Variants in ANK3 observed in about 807,000 individuals in gnomAD.
ANK3 encodes the protein ankyrin 3.
Under a neutral mutation model 370.9 loss-of-function variants are expected in ANK3, and 57 were observed. The observed-to-expected ratio is 0.15, with a 90% confidence interval of 0.12 to 0.19. The LOEUF is 0.19. Among genes scored for constraint, ANK3 ranks in the 10% least tolerant of loss-of-function variants. The probability of loss-of-function intolerance (pLI) is 1.00; values close to 1 mark genes in which losing one functional copy is unlikely to be tolerated. For synonymous variants in ANK3, 1,929 were observed against 1,946.3 expected (o/e 0.99, Z 0.23); for missense variants, 4,439 against 5,302.1 (o/e 0.84, Z 5.06).
chr10:60,454,027 C>T (rs1310950055), intron 2 of ANK3, among the ~76,000 whole-genome samples: 1 of 152,130 alleles, frequency 6.6e-6, no homozygotes, highest in African/African-American at 2.4e-5. Context: ...CATATTTTTT[C>T]CTATATGCAA....
intron 2 of ANK3, among the ~76,000 whole-genome samples, chr10:60,482,596 C>G (rs1023857088): frequency 6.6e-6 from 1 of 152,112 alleles, no homozygotes; most frequent in Non-Finnish European, 1.5e-5. Flanking sequence ...AATAGATCCT[C>G]CCACCTCATT....
In ANK3 at chr10:60,071,715, G is replaced by A; in HGVS notation, c.9166C>T (p.Pro3056Ser). 6.3e-7 allele frequency: 1 copy of A among 1,597,776 alleles called. No homozygotes were observed. The highest frequency in any genetic ancestry group is 1.1e-5 in the South Asian group (1 of 87,186). Residue 3056 changes from proline (P) to serine (S), a missense_variant, in exon 37 of 44, where the codon CCA becomes TCA. Pro to Ser is a moderately conservative substitution (Grantham distance 74). This residue lies in a region of ANK3 where 1,601 missense variants were observed against 1,731.7 expected (regional missense o/e 0.92). Coordinates refer to ENST00000280772, the MANE Select transcript of ANK3 (RefSeq NM_020987.5). ...TCACTAGAGGGAGATTCCTTTCCTG[G>A]GCTAAACTCTAAAGAATCAGGAGAT... The part of the protein sequence containing the change: ...TKSPDSLEFS[P>S]GKESPSSDVF...
intron 23 of ANK3, among the ~76,000 whole-genome samples, chr10:60,150,725 C>T (rs551880591): frequency 6.6e-6 from 1 of 152,260 alleles, no homozygotes; most frequent in Admixed American, 6.5e-5. Flanking sequence ...TGCCATGTGA[C>T]ATTCCTGCTC....
intron 1 of ANK3, among the ~76,000 whole-genome samples, chr10:60,673,558 A>G (rs146580139): frequency 0.052 from 7,970 of 151,866 alleles, 292 homozygotes; most frequent in African/African-American, 0.088. Context: ...CACCATGTTG[A>G]CCAGGCTGGT....
At chr10:60,425,395 G>T (rs1028116928) in intron 2 of ANK3, among the ~76,000 whole-genome samples, 27 of 152,114 alleles carry the variant, frequency 1.8e-4, no homozygotes, top group African/African-American at 6.5e-4. Flanking sequence ...ATTGGAATAC[G>T]TAGTGATTCT....
intron 1 of ANK3, among the ~76,000 whole-genome samples, chr10:60,632,410 A>G (rs1230569994): frequency 6.6e-6 from 1 of 152,124 alleles, no homozygotes; most frequent in African/African-American, 2.4e-5. Flanking sequence ...AAAAAAACAG[A>G]TTTAGGAAAG....
At chr10:60,228,439 C>T (rs879698676) in intron 8 of ANK3, among the ~76,000 whole-genome samples, 8 of 149,230 alleles carry the variant, frequency 5.4e-5, no homozygotes, top group East Asian at 2.0e-4. Context: ...GAGACAGGTA[C>T]GAGACTCACT....
chr10:60,080,375 C>T, intron 36 of ANK3, 162 bp downstream of exon 36: 1 of 594,274 alleles, frequency 1.7e-6, no homozygotes, highest in East Asian at 3.1e-5. Flanking sequence ...CTCACATCTT[C>T]AACTAGGCAC....
At chr10:60,434,335 T>C (rs1400009829) in intron 2 of ANK3, among the ~76,000 whole-genome samples, 3 of 152,234 alleles carry the variant, frequency 2.0e-5, no homozygotes, top group African/African-American at 4.8e-5. Flanking sequence ...AGAAGGAATA[T>C]AGTCTACTTA....
At chr10:60,206,832 A>G (rs1235531685) in intron 10 of ANK3, among the ~76,000 whole-genome samples, 1 of 152,208 alleles carries the variant, frequency 6.6e-6, no homozygotes, top group Admixed American at 6.5e-5. Flanking sequence ...GTGGAGAACT[A>G]TAAAATACCA....
chr10:60,619,643 T>C (rs935614565), intron 1 of ANK3, among the ~76,000 whole-genome samples: 16 of 152,116 alleles, frequency 1.1e-4, no homozygotes, highest in Non-Finnish European at 8.8e-5. Flanking sequence ...CACAATCCTG[T>C]AGAGCCTCAG....
At chr10:60,612,456 C>T (rs1267950347) in intron 2 of ANK3, among the ~76,000 whole-genome samples, 1 of 151,996 alleles carries the variant, frequency 6.6e-6, no homozygotes, top group Non-Finnish European at 1.5e-5. Flanking sequence ...TTTTGCCTCA[C>T]TCGGTATTTT....
chr10:60,717,615 TG>T (rs1415259035), intron 1 of ANK3, among the ~76,000 whole-genome samples: 18 of 152,320 alleles, frequency 1.2e-4, no homozygotes, highest in African/African-American at 4.3e-4. Flanking sequence ...AACAATCCTA[TG>T]GGAAGTTAAT....
chr10:60,176,184 A>G (rs1166254045), intron 18 of ANK3, among the ~76,000 whole-genome samples: 1 of 134,366 alleles, frequency 7.4e-6, no homozygotes, highest in African/African-American at 2.8e-5. Flanking sequence ...AAATACAAAA[A>G]AAAAAAAAAA....
chr10:60,563,195 T>A (rs2077379725), intron 2 of ANK3, among the ~76,000 whole-genome samples: 1 of 152,232 alleles, frequency 6.6e-6, no homozygotes, highest in African/African-American at 2.4e-5. Flanking sequence ...AGATTTATGA[T>A]TAAGCAAGCA....
intron 1 of ANK3, among the ~76,000 whole-genome samples, chr10:60,387,874 C>T (rs2132862305): frequency 6.6e-6 from 1 of 152,312 alleles, no homozygotes; most frequent in Admixed American, 6.5e-5. Flanking sequence ...AACTGCTGTA[C>T]ATAAACCTAG....
chr10:60,263,821 CCCTCGTG>C lies in ANK3; in HGVS notation c.699+7_699+13del. On this transcript the variant is annotated splice_region_variant and intron_variant, in intron 6 of 43. Transcript: ENST00000280772. ...GGAGAGTTGCATGACAGGCCCGTGT[CCCTCGTG>C]CCTCACCTTTGATTCCACATCTGCA... 6.2e-7 allele frequency: 1 copy of C among 1,613,064 alleles called. No individual in the cohort carries two copies. Among genetic ancestry groups the C allele is most frequent in the African/African-American group, 1.3e-5 (1 of 75,002 alleles).
chr10:60,593,934 T>C (rs550354023), intron 2 of ANK3, among the ~76,000 whole-genome samples: 1 of 152,320 alleles, frequency 6.6e-6, no homozygotes, highest in East Asian at 1.9e-4. Flanking sequence ...ATAGATGGCC[T>C]GGAACCAATA....
chr10:60,064,708 A>C (rs1033964375), intron 38 of ANK3, among the ~76,000 whole-genome samples: 2 of 151,798 alleles, frequency 1.3e-5, no homozygotes, highest in Admixed American at 6.6e-5. Flanking sequence ...AACAACAACA[A>C]CACAAAAATT....
Sources: gnomAD v4.1 joint callset for allele counts (sites outside exome capture counted in the v4.1 genomes callset) on GRCh38, gnomAD v4.1.1 for gene constraint, gnomAD v4.1.1 regional missense constraint, MANE v1.5 for transcripts, NCBI Gene and HGNC (gene_info 2026-07-23, HGNC 2026-07-21) for gene names.